Variants in ANOS1 observed in about 807,000 individuals in gnomAD.
ANOS1 encodes the protein anosmin 1, also known as anosmin-1.
ANOS1 carries 6 observed loss-of-function variants against 59.0 expected under a neutral mutation model. The observed-to-expected ratio is 0.10, with a 90% CI of 0.06 to 0.20. ANOS1 has a LOEUF of 0.20. Ranked by LOEUF, ANOS1 falls within the 10% of genes least tolerant of loss-of-function variation. The pLI is 1.00. For missense variants in ANOS1, 433 were observed against 542.3 expected (o/e 0.80, Z 2.00); for synonymous variants, 217 against 223.4 (o/e 0.97, Z 0.25).
At chrX:8,731,384 G>T (rs1402482451) in intron 1 of ANOS1, among the ~76,000 whole-genome samples, 2 of 111,746 alleles carry the variant, frequency 1.8e-5, no homozygotes, top group Non-Finnish European at 3.8e-5. Flanking sequence ...CACCTGCGGG[G>T]CTGGGGCTCG....
At position 8,678,360 on chromosome X, in the gene ANOS1, AC is replaced by A. The variant is rs201002449; in HGVS notation, c.255+21337del. Among the ~76,000 whole-genome samples the A allele has an allele frequency of 6.5e-3, 729 of 112,135 alleles. 8 individuals are homozygous for A. Among genetic ancestry groups the A allele is most frequent in the African/African-American group, 0.022 (690 of 30,882 alleles). On this transcript the variant is annotated intron_variant, in intron 2 of 13. Coordinates refer to ENST00000262648, the MANE Select transcript of ANOS1 (RefSeq NM_000216.4). ...CCCTGAGAATTTCAAAGGAGATTGA[AC>A]CCCAAGTGCCTAGAGATTCCAATGT...
intron 5 of ANOS1, 127 bp from the exon 6 acceptor site, chrX:8,585,523 G>GCCCCTCTTATC: frequency 2.7e-6 from 2 of 741,489 alleles, no homozygotes; most frequent in Non-Finnish European, 2.1e-6. Context: ...CCCCTGATAA[G>GCCCCTCTTATC]AGGGGCTTAT....
At chrX:8,607,257 G>A (rs1487342519) in intron 3 of ANOS1, among the ~76,000 whole-genome samples, 1 of 112,329 alleles carries the variant, frequency 8.9e-6, no homozygotes, top group Non-Finnish European at 1.9e-5. Flanking sequence ...ATGCTTGGAA[G>A]TATTATTATA....
At chrX:8,555,910 G>A (rs989292450) in intron 8 of ANOS1, among the ~76,000 whole-genome samples, 4 of 112,383 alleles carry the variant, frequency 3.6e-5, no homozygotes, top group Non-Finnish European at 7.5e-5. Context: ...ATTTCAGGCC[G>A]ATATCCCTGA....
At chrX:8,620,756 C>T (rs1171165135) in intron 3 of ANOS1, among the ~76,000 whole-genome samples, 1 of 112,132 alleles carries the variant, frequency 8.9e-6, no homozygotes, top group Non-Finnish European at 1.9e-5. Context: ...AGCAATTCAT[C>T]AAAGCTCCTC....
intron 2 of ANOS1, among the ~76,000 whole-genome samples, chrX:8,665,858 G>A (rs1001853116): frequency 8.9e-6 from 1 of 111,839 alleles, no homozygotes; most frequent in Non-Finnish European, 1.9e-5. Flanking sequence ...CATTTAAAAC[G>A]TTGGCATTTC....
rs1044726799 is a variant in ANOS1, at chrX:8,731,971, G to A, written c.66C>T (p.Cys22=). The A allele has an allele frequency of 2.7e-6, 3 of 1,105,944 alleles. No homozygotes were observed. Among genetic ancestry groups the A allele is most frequent in the Non-Finnish European group, 3.5e-6 (3 of 847,032 alleles). 91.1% of individuals were successfully genotyped at this position (1,105,944 alleles called of 1,213,427 possible). A position where few individuals can be genotyped will look rare whatever the true frequency, so the allele number is the denominator to read the frequency against. The part of the protein sequence containing the change: ...LCLWLAASSG[C]LAAGPGAAAA... Reference sequence around the variant, plus strand: ...CAGCCGCGCCGGGGCCGGCCGCCAGGCAGCCGCTGGAGGCCGCCAGCCAGA... The same window carrying A: ...CAGCCGCGCCGGGGCCGGCCGCCAGACAGCCGCTGGAGGCCGCCAGCCAGA... Residue 22 remains cysteine, a synonymous_variant, in exon 1 of 14, where the codon TGC becomes TGT. Coordinates refer to ENST00000262648, the MANE Select transcript of ANOS1 (RefSeq NM_000216.4).
chrX:8,674,303 A>C lies in ANOS1; in HGVS notation c.255+25395T>G, dbSNP rs569401610. 1.9e-4 allele frequency among the ~76,000 whole-genome samples: 21 copies of C among 112,267 alleles called. No individual in the cohort carries two copies. The South Asian group carries it at 7.7e-3, about 41-fold the overall frequency. Reference sequence around the variant, plus strand: ...TTTCCCCAAAAAACTATGCTTGATAAATTCATGTTTTTTAGAAATGGGTAA... The same window carrying C: ...TTTCCCCAAAAAACTATGCTTGATACATTCATGTTTTTTAGAAATGGGTAA... On this transcript the variant is annotated intron_variant, in intron 2 of 13. Coordinates refer to ENST00000262648, the MANE Select transcript of ANOS1 (RefSeq NM_000216.4).
intron 1 of ANOS1, among the ~76,000 whole-genome samples, chrX:8,705,625 C>T (rs1932775718): frequency 8.9e-6 from 1 of 111,768 alleles, no homozygotes; most frequent in African/African-American, 3.3e-5. Flanking sequence ...ATGTTGCTTA[C>T]ATATAGTACT....
chrX:8,680,329 G>A (rs1170220697), intron 2 of ANOS1, among the ~76,000 whole-genome samples: 2 of 108,356 alleles, frequency 1.8e-5, no homozygotes, highest in African/African-American at 3.4e-5. Flanking sequence ...GTGTGTGTAT[G>A]GTGTGATTTT....
At position 8,535,905 on chromosome X, in the gene ANOS1, GGAT is replaced by G. The variant is rs879121744; in HGVS notation, c.1622-97_1622-95del. The G allele has an allele frequency of 1.8e-4, 120 of 671,963 alleles. No homozygotes were observed. The South Asian group carries it at 2.7e-3, about 15-fold the overall frequency. The allele number at this position is 671,963 out of a possible 1,213,427, so 55.4% of individuals were successfully genotyped here. On this transcript the variant is annotated intron_variant, in intron 11 of 13. Transcript: ENST00000262648. Reference sequence around the variant, plus strand: ...AGGAATTTTCAGCGGCCAGTCTATGGGATGATATTAATAGAAGCAATGTGACCT... The same window carrying G: ...AGGAATTTTCAGCGGCCAGTCTATGGGATATTAATAGAAGCAATGTGACCT...
intron 9 of ANOS1, among the ~76,000 whole-genome samples, chrX:8,549,564 C>A (rs193080680): frequency 8.9e-6 from 1 of 112,440 alleles, no homozygotes; most frequent in East Asian, 2.8e-4. Context: ...TAAAGCAACA[C>A]CAAGCCTTAA....
At chrX:8,677,584 C>T (rs1159170055) in intron 2 of ANOS1, among the ~76,000 whole-genome samples, 1 of 111,049 alleles carries the variant, frequency 9.0e-6, no homozygotes, top group East Asian at 2.8e-4. Flanking sequence ...CTACTATGTA[C>T]CCACACAAAG....
chrX:8,707,020 C>A, intron 1 of ANOS1, among the ~76,000 whole-genome samples: 1 of 111,202 alleles, frequency 9.0e-6, no homozygotes, highest in Admixed American at 9.6e-5. Flanking sequence ...ACTTCCACAG[C>A]TCTCTCTCTC....
At position 8,532,800 on chromosome X, in the gene ANOS1, T is replaced by C; in HGVS notation, c.*195A>G. ...CATGCTTGTAGGGAACTGGTGTCTG[T>C]CTTCACCAATCTACTGTTTCTCACT... On this transcript the variant is annotated 3_prime_UTR_variant, in exon 14 of 14. Transcript: ENST00000262648. The C allele has an allele frequency of 2.4e-6, 1 of 416,097 alleles. No individual in the cohort carries two copies. Among genetic ancestry groups the C allele is most frequent in the Non-Finnish European group, 4.2e-6 (1 of 236,004 alleles). The allele number at this position is 416,097 out of a possible 1,213,427, so 34.3% of individuals were successfully genotyped here. A position where few individuals can be genotyped will look rare whatever the true frequency, so the allele number is the denominator to read the frequency against.
At chrX:8,537,077 A>C in intron 10 of ANOS1, 135 bp from the exon 11 acceptor site, 1 of 546,641 alleles carries the variant, frequency 1.8e-6, no homozygotes, top group Non-Finnish European at 3.1e-6. Context: ...CTTTTATAAA[A>C]AGTACAAAGC....
intron 2 of ANOS1, among the ~76,000 whole-genome samples, chrX:8,635,656 A>C (rs1025539464): frequency 8.9e-6 from 1 of 112,428 alleles, no homozygotes; most frequent in African/African-American, 3.2e-5. Flanking sequence ...TCAAAGTGCT[A>C]AAAAATCAGT....
intron 2 of ANOS1, among the ~76,000 whole-genome samples, chrX:8,630,693 GC>G (rs1931474858): frequency 8.9e-6 from 1 of 111,998 alleles, no homozygotes; most frequent in Non-Finnish European, 1.9e-5. Context: ...TGGAAGGATA[GC>G]CCTTGGATTC....
chrX:8,598,948 G>A (rs1250401149), intron 3 of ANOS1, among the ~76,000 whole-genome samples: 5 of 111,546 alleles, frequency 4.5e-5, no homozygotes, highest in African/African-American at 1.6e-4. Context: ...TGCAGATGGT[G>A]GGGGATGGTG....
Sources: allele counts gnomAD v4.1 joint callset (sites outside exome capture counted in the v4.1 genomes callset), GRCh38; gene constraint gnomAD v4.1.1; transcripts MANE v1.5; gene names NCBI Gene and HGNC (gene_info 2026-07-23, HGNC 2026-07-21).